Variants in NCAM2 observed in about 807,000 individuals in gnomAD.
The protein encoded by NCAM2 is N-CAM-2.
In NCAM2, 30 loss-of-function variants were observed where a neutral mutation model predicts 98.1. The ratio of observed to expected loss-of-function variants is 0.31; its 90% CI spans 0.23 to 0.41. NCAM2 has a LOEUF of 0.41. Among genes scored for constraint, NCAM2 ranks in the 10% least tolerant of loss-of-function variants. The probability of loss-of-function intolerance (pLI) is 1.00; values close to 1 mark genes in which losing one functional copy is unlikely to be tolerated. For synonymous variants in NCAM2, 368 were observed against 342.4 expected (o/e 1.07, Z -0.83); for missense variants, 867 against 1,005.8 (o/e 0.86, Z 1.87).
At chr21:21,319,876 TC>T (rs1259065034) in intron 5 of NCAM2, among the ~76,000 whole-genome samples, 1 of 152,206 alleles carries the variant, frequency 6.6e-6, no homozygotes, top group African/African-American at 2.4e-5. Context: ...GTACTTGCTG[TC>T]TAAGGAAGGA....
chr21:21,049,286 C>T (rs2065061087), intron 1 of NCAM2, among the ~76,000 whole-genome samples: 1 of 152,018 alleles, frequency 6.6e-6, no homozygotes, highest in African/African-American at 2.4e-5. Flanking sequence ...CGCATATTTC[C>T]TTTATTTTTG....
At chr21:21,375,204 G>T (rs1263617930) in intron 9 of NCAM2, among the ~76,000 whole-genome samples, 1 of 138,400 alleles carries the variant, frequency 7.2e-6, no homozygotes, top group Non-Finnish European at 1.6e-5. Context: ...AGGATAAAAA[G>T]AAAACAAAAA....
intron 9 of NCAM2, among the ~76,000 whole-genome samples, chr21:21,390,367 A>G (rs2076355692): frequency 1.3e-5 from 2 of 152,114 alleles, no homozygotes; most frequent in Admixed American, 1.3e-4. Context: ...TTTGAAAAGG[A>G]TGAGAGGCCA....
chr21:21,238,451 A>G (rs1038490493), intron 1 of NCAM2, among the ~76,000 whole-genome samples: 3 of 152,224 alleles, frequency 2.0e-5, no homozygotes, highest in African/African-American at 7.2e-5. Flanking sequence ...ATGAAAATGT[A>G]TATTCTGAAC....
chr21:21,171,456 A>G (rs1353733912), intron 1 of NCAM2, among the ~76,000 whole-genome samples: 1 of 152,200 alleles, frequency 6.6e-6, no homozygotes, highest in East Asian at 1.9e-4. Context: ...TGAGGTACTC[A>G]GAGGTAAATA....
intron 1 of NCAM2, among the ~76,000 whole-genome samples, chr21:21,184,750 G>T (rs1397299847): frequency 1.3e-5 from 2 of 152,230 alleles, no homozygotes; most frequent in African/African-American, 4.8e-5. Flanking sequence ...AATATTGAAA[G>T]AAATTGTTCC....
intron 1 of NCAM2, among the ~76,000 whole-genome samples, chr21:21,104,868 T>C (rs1380506739): frequency 1.3e-5 from 2 of 152,110 alleles, no homozygotes; most frequent in African/African-American, 4.8e-5. Context: ...ATTGTTGCTG[T>C]TTTTTCTTAC....
chr21:21,350,556 A>T (rs1327951363), intron 8 of NCAM2, among the ~76,000 whole-genome samples: 2 of 152,316 alleles, frequency 1.3e-5, no homozygotes, highest in East Asian at 3.9e-4. Context: ...TGAGGAAGAT[A>T]TTGAACTGTT....
intron 8 of NCAM2, among the ~76,000 whole-genome samples, chr21:21,346,814 C>G (rs1385210178): frequency 6.6e-6 from 1 of 151,850 alleles, no homozygotes; most frequent in Non-Finnish European, 1.5e-5. Flanking sequence ...AATTTAAAAA[C>G]TTCTTGAAAC....
At chr21:21,317,205 C>T (rs2074248650) in intron 5 of NCAM2, among the ~76,000 whole-genome samples, 2 of 152,160 alleles carry the variant, frequency 1.3e-5, no homozygotes, top group African/African-American at 4.8e-5. Context: ...TTCCCCTTCT[C>T]CCACTCTCTG....
chr21:21,361,429 TG>T, intron 8 of NCAM2, among the ~76,000 whole-genome samples: 1 of 151,970 alleles, frequency 6.6e-6, no homozygotes, highest in East Asian at 1.9e-4. Context: ...GTTTGTACCA[TG>T]TTTTTTTTGG....
chr21:21,405,143 C>T (rs1341700339), intron 9 of NCAM2, among the ~76,000 whole-genome samples: 1 of 151,800 alleles, frequency 6.6e-6, no homozygotes, highest in Non-Finnish European at 1.5e-5. Context: ...GATATTTTTG[C>T]AGTCATGTTT....
intron 1 of NCAM2, among the ~76,000 whole-genome samples, chr21:21,241,009 A>G (rs1601738405): frequency 6.6e-6 from 1 of 152,128 alleles, no homozygotes; most frequent in South Asian, 2.1e-4. Context: ...TGGACCTTAT[A>G]TGACAATATC....
chr21:21,136,868 A>T (rs192461606), intron 1 of NCAM2, among the ~76,000 whole-genome samples: 2 of 150,986 alleles, frequency 1.3e-5, no homozygotes, highest in Non-Finnish European at 2.9e-5. Context: ...CTGTTCCTCA[A>T]AAGAAATTTT....
chr21:21,210,217 A>G (rs1320263188), intron 1 of NCAM2, among the ~76,000 whole-genome samples: 1 of 152,224 alleles, frequency 6.6e-6, no homozygotes. Flanking sequence ...GCAAGACTGT[A>G]TCCATTGCTA....
chr21:21,243,243 A>G (rs1051556178), intron 1 of NCAM2, among the ~76,000 whole-genome samples: 2 of 152,202 alleles, frequency 1.3e-5, no homozygotes, highest in African/African-American at 2.4e-5. Flanking sequence ...AATAAAGAGC[A>G]AAAGTCTTAG....
intron 9 of NCAM2, among the ~76,000 whole-genome samples, chr21:21,407,801 T>C (rs1381054067): frequency 1.1e-4 from 17 of 152,214 alleles, no homozygotes; most frequent in Admixed American, 1.1e-3. Flanking sequence ...AATAGTATAA[T>C]GCTAAATAAA....
At chr21:21,446,386 G>A (rs1216715262) in intron 12 of NCAM2, among the ~76,000 whole-genome samples, 1 of 151,940 alleles carries the variant, frequency 6.6e-6, no homozygotes, top group Admixed American at 6.6e-5. Flanking sequence ...TGTCTTGCTG[G>A]GTTAGAAAGT....
rs2072596160 is a variant in NCAM2 at position 21,273,223 on chromosome 21, GT to G, written c.56-7354del. The stretch of plus-strand genomic sequence containing the variant: ...AGATTGAAATATCTACCTTATAGTA[GT>G]ATCTACTTTATAGAAATGTTTGAGG... On this transcript the variant is annotated intron_variant, in intron 1 of 17. Transcript: ENST00000400546. 3.9e-5 allele frequency among the ~76,000 whole-genome samples: 6 copies of G among 152,096 alleles called. 1 individual carries two copies.
Sources: allele counts gnomAD v4.1 joint callset (sites outside exome capture counted in the v4.1 genomes callset), GRCh38; gene constraint gnomAD v4.1.1; transcripts MANE v1.5; gene names NCBI Gene and HGNC (gene_info 2026-07-23, HGNC 2026-07-21).